PRKN: variants seen among roughly 807,000 people sequenced by gnomAD.
The protein encoded by PRKN is E3 ubiquitin-protein ligase parkin.
A neutral mutation model predicts 59.5 loss-of-function variants in PRKN; 56 were observed. The observed-to-expected ratio is 0.94, with a 90% CI of 0.76 to 1.18. PRKN has a LOEUF of 1.18. PRKN is among the 50% of genes most tolerant of loss of function. The pLI is 0.00. For missense variants in PRKN, 657 were observed against 596.4 expected, an observed-to-expected ratio of 1.10 and a Z score of -1.06; for synonymous variants, 250 against 222.1, an observed-to-expected ratio of 1.13 and a Z score of -1.12.
chr6:162,424,362 C>T (rs1342880563), intron 2 of PRKN, among the ~76,000 whole-genome samples: 1 of 152,116 alleles, frequency 6.6e-6, no homozygotes, highest in East Asian at 1.9e-4. Context: ...CTAGAATGTA[C>T]AACACCAAGA....
At chr6:162,631,985 TAAAAAAAA>T (rs766901063) in intron 1 of PRKN, among the ~76,000 whole-genome samples, 2 of 117,218 alleles carry the variant, frequency 1.7e-5, no homozygotes, top group Non-Finnish European at 3.7e-5. Context: ...TATTAAAAAG[TAAAAAAAA>T]AAAAAAAAGA....
intron 5 of PRKN, among the ~76,000 whole-genome samples, chr6:162,027,446 C>T (rs902440547): frequency 6.6e-6 from 1 of 152,236 alleles, no homozygotes; most frequent in East Asian, 1.9e-4. Flanking sequence ...TCAGTTCCTG[C>T]GAGTGCGACA....
In PRKN at chr6:161,741,941, GATTTATTTATTTATTT is replaced by G. The variant is rs71805664; in HGVS notation, c.871+43815_871+43830del. ...GAATAAGTCTCATGAGATCTGATGG[GATTTATTTATTTATTT>G]ATTTATTTATTTATTTATTTATTTA... On this transcript the variant is annotated intron_variant, in intron 7 of 11. Coordinates refer to ENST00000366898, the MANE Select transcript of PRKN (RefSeq NM_004562.3). Among the ~76,000 whole-genome samples, 66 of 143,882 alleles carry G rather than the reference GATTTATTTATTTATTT, an allele frequency of 4.6e-4. No homozygotes were observed. In the South Asian group the frequency reaches 9.3e-3, roughly 20 times the overall value. 94.4% of individuals were successfully genotyped at this position (143,882 alleles called of 152,430 possible).
At chr6:161,880,913 G>T (rs1051898978) in intron 6 of PRKN, among the ~76,000 whole-genome samples, 11 of 152,190 alleles carry the variant, frequency 7.2e-5, no homozygotes, top group Non-Finnish European at 1.5e-4. Flanking sequence ...GGACGTGGGA[G>T]ATTGTTTCCC....
At chr6:162,112,852 G>A (rs1447430898) in intron 4 of PRKN, among the ~76,000 whole-genome samples, 2 of 152,000 alleles carry the variant, frequency 1.3e-5, no homozygotes, top group East Asian at 1.9e-4. Flanking sequence ...GAGGTAGGGA[G>A]GTCAAGGCGG....
chr6:161,989,614 C>T (rs922830273), intron 5 of PRKN, among the ~76,000 whole-genome samples: 2 of 152,016 alleles, frequency 1.3e-5, no homozygotes, highest in Non-Finnish European at 2.9e-5. Flanking sequence ...CCGCCACAGC[C>T]TGCACCCACA....
At chr6:162,132,554 T>A (rs1038691161) in intron 4 of PRKN, among the ~76,000 whole-genome samples, 5 of 152,136 alleles carry the variant, frequency 3.3e-5, no homozygotes, top group African/African-American at 1.2e-4. Flanking sequence ...TCAAATGCAA[T>A]CATCACTGTT....
chr6:161,571,123 T>C (rs1780872011), intron 7 of PRKN, among the ~76,000 whole-genome samples: 1 of 152,066 alleles, frequency 6.6e-6, no homozygotes. Context: ...TTCCTAATTT[T>C]TTGTAGAGAT....
chr6:162,115,255 A>T (rs998930820), intron 4 of PRKN, among the ~76,000 whole-genome samples: 29 of 151,954 alleles, frequency 1.9e-4, no homozygotes, highest in African/African-American at 5.6e-4. Context: ...ACAAAAAACC[A>T]AACACCGCAT....
chr6:162,321,478 C>T (rs576996222), intron 2 of PRKN, among the ~76,000 whole-genome samples: 1 of 151,930 alleles, frequency 6.6e-6, no homozygotes, highest in South Asian at 2.1e-4. Flanking sequence ...CAATTCTACA[C>T]AAATGCTTGA....
At chr6:162,483,286 G>A (rs929520247) in intron 1 of PRKN, among the ~76,000 whole-genome samples, 8 of 152,280 alleles carry the variant, frequency 5.3e-5, no homozygotes, top group East Asian at 1.9e-4. Flanking sequence ...TGAAGGAAGC[G>A]GGGATGGATT....
chr6:162,563,504 C>G (rs112341724), intron 1 of PRKN, among the ~76,000 whole-genome samples: 2,273 of 152,232 alleles, frequency 0.015, 55 homozygotes, highest in African/African-American at 0.051. Context: ...TCACAATACC[C>G]AAGTCCTGTT....
intron 1 of PRKN, among the ~76,000 whole-genome samples, chr6:162,705,451 C>G (rs1019166615): frequency 5.9e-5 from 9 of 152,202 alleles, no homozygotes; most frequent in South Asian, 2.1e-4. Flanking sequence ...TGTGAGAATA[C>G]AAGTTCTTAA....
intron 1 of PRKN, among the ~76,000 whole-genome samples, chr6:162,525,389 T>C (rs1422320154): frequency 6.6e-6 from 1 of 152,154 alleles, no homozygotes; most frequent in African/African-American, 2.4e-5. Flanking sequence ...CTGAAGGGCC[T>C]CTGTACTTCT....
intron 5 of PRKN, among the ~76,000 whole-genome samples, chr6:162,006,172 A>C (rs1268162340): frequency 1.3e-5 from 2 of 152,064 alleles, no homozygotes; most frequent in African/African-American, 4.8e-5. Context: ...GTTTCCCATC[A>C]CTCAGCACTG....
At chr6:161,587,574 TAA>T (rs1781563515) in intron 7 of PRKN, among the ~76,000 whole-genome samples, 1 of 152,138 alleles carries the variant, frequency 6.6e-6, no homozygotes, top group African/African-American at 2.4e-5. Context: ...AATGATGAAA[TAA>T]GTTTGATCAT....
intron 7 of PRKN, among the ~76,000 whole-genome samples, chr6:161,724,966 A>G (rs1216113933): frequency 1.3e-5 from 2 of 152,122 alleles, no homozygotes; most frequent in African/African-American, 4.8e-5. Context: ...TGGTTATTTC[A>G]AAGTGTGTGG....
chr6:162,212,354 A>G (rs1278908520), intron 3 of PRKN, among the ~76,000 whole-genome samples: 1 of 150,640 alleles, frequency 6.6e-6, no homozygotes, highest in Non-Finnish European at 1.5e-5. Flanking sequence ...CTTCAACCAA[A>G]AAGAATGTTG....
intron 2 of PRKN, among the ~76,000 whole-genome samples, chr6:162,333,950 T>C (rs1488702263): frequency 6.6e-6 from 1 of 152,168 alleles, no homozygotes. Context: ...ATATTGCTGA[T>C]ATGGAGAAAG....
Sources: gnomAD v4.1 joint callset for allele counts (sites outside exome capture counted in the v4.1 genomes callset) on GRCh38, gnomAD v4.1.1 for gene constraint, MANE v1.5 for transcripts, NCBI Gene and HGNC (gene_info 2026-07-23, HGNC 2026-07-21) for gene names.